SYMPK: variants seen among roughly 807,000 people sequenced by gnomAD.
The protein encoded by SYMPK is symplekin.
SYMPK carries 49 observed loss-of-function variants against 136.4 expected under a neutral mutation model. That is an observed-to-expected ratio of 0.36 (90% confidence interval 0.29 to 0.46). The LOEUF is 0.46. SYMPK is among the 20% of genes least tolerant of loss of function. The pLI, the probability that SYMPK is intolerant of heterozygous loss-of-function variation, is 1.00. For missense variants in SYMPK, 1,365 were observed against 1,690.0 expected, an observed-to-expected ratio of 0.81 and a Z score of 3.37; for synonymous variants, 766 against 713.0, an observed-to-expected ratio of 1.07 and a Z score of -1.19.
At chr19:45,861,189 A>G (rs899895265) in intron 1 of SYMPK, among the ~76,000 whole-genome samples, 35 of 152,246 alleles carry the variant, frequency 2.3e-4, no homozygotes, top group African/African-American at 8.4e-4. Flanking sequence ...TCTGCCTCAA[A>G]AAATAAAATA....
At position 45,827,847 on chromosome 19, in the gene SYMPK, C is replaced by G; in HGVS notation, c.2057G>C (p.Cys686Ser). 1 of 1,614,070 alleles carries G rather than the reference C, an allele frequency of 6.2e-7. No homozygotes were observed. Among genetic ancestry groups the G allele is most frequent in the Non-Finnish European group, 8.5e-7 (1 of 1,180,024 alleles). Residue 686 changes from cysteine (C) to serine (S), a missense_variant, in exon 15 of 27, where the codon TGC (cysteine) becomes TCC (serine). Transcript: ENST00000245934. ...ESALEVVRKYCEDESRTYLGM... is the reference protein window; with the variant it reads ...ESALEVVRKYSEDESRTYLGM... ...AGGGCCTGTCCTCACCTCATCCTCGCAGTACTTGCGGACCACCTCCAGGGC... is the reference window on the plus strand; with the variant it reads ...AGGGCCTGTCCTCACCTCATCCTCGGAGTACTTGCGGACCACCTCCAGGGC...
intron 7 of SYMPK, among the ~76,000 whole-genome samples, chr19:45,846,217 A>C (rs1044776769): frequency 2.0e-5 from 3 of 152,150 alleles, no homozygotes; most frequent in African/African-American, 7.2e-5. Context: ...GCCTGGGTGA[A>C]AGAGCGAGAC....
rs143466262 is a variant in SYMPK, at chr19:45,854,073, A to T, written c.171+102T>A. The T allele has an allele frequency of 1.6e-4, 180 of 1,107,918 alleles. No homozygotes were observed. In the African/African-American group the frequency reaches 2.2e-3, roughly 14 times the overall value. The allele number at this position is 1,107,918 out of a possible 1,614,324, so 68.6% of individuals were successfully genotyped here. ...TGAGCACTGTGGCCGGCACACACTG[A>T]GTGTGTAAATGTGGACACTGGTGTT... On this transcript the variant is annotated intron_variant, in intron 3 of 26. Transcript: ENST00000245934.
chr19:45,815,694 T>C lies in SYMPK; in HGVS notation c.3691A>G (p.Thr1231Ala), dbSNP rs1568604038. 2 of 1,609,188 alleles carry C rather than the reference T, an allele frequency of 1.2e-6. No homozygotes were observed. Among genetic ancestry groups the C allele is most frequent in the Non-Finnish European group, 1.7e-6 (2 of 1,178,564 alleles). ...SSLEGPLPKE[T>A]AAGGLTLKEE... ...TTCAAGGTCAGCCCGCCCGCTGCCGTCTCCTGGTGACCGGGGAAGGAAAGG... is the reference window on the plus strand; with the variant it reads ...TTCAAGGTCAGCCCGCCCGCTGCCGCCTCCTGGTGACCGGGGAAGGAAAGG... Residue 1231 changes from threonine to alanine, a missense_variant, in exon 27 of 27, where the codon ACG (threonine) becomes GCG (alanine). Thr to Ala is a moderately conservative substitution (Grantham distance 58). This residue lies in a region of SYMPK where 341 missense variants were observed against 270.5 expected (regional missense o/e 1.26). Transcript: ENST00000245934.
At chr19:45,819,591 C>G (rs1289363718) in intron 22 of SYMPK, 1 of 152,280 alleles carries the variant, frequency 6.6e-6, no homozygotes, top group African/African-American at 2.4e-5. Flanking sequence ...CAGTCCCAGG[C>G]CACCCCTCTC....
intron 10 of SYMPK, among the ~76,000 whole-genome samples, chr19:45,837,492 T>G (rs1011773849): frequency 1.1e-4 from 16 of 150,928 alleles, no homozygotes; most frequent in Non-Finnish European, 1.5e-4. Context: ...TGGTGGGCGC[T>G]GGTAATCCCA....
chr19:45,835,737 C>T (rs1436397675), intron 10 of SYMPK, among the ~76,000 whole-genome samples: 1 of 152,094 alleles, frequency 6.6e-6, no homozygotes, highest in Non-Finnish European at 1.5e-5. Flanking sequence ...CATGGTGAAA[C>T]CCTGTCTCTA....
chr19:45,848,512 A>C (rs928262581), intron 6 of SYMPK, among the ~76,000 whole-genome samples: 9 of 152,214 alleles, frequency 5.9e-5, no homozygotes, highest in Admixed American at 2.0e-4. Context: ...CACAGAGGAC[A>C]TACTCAGGGA....
intron 25 of SYMPK, 78 bp from the exon 26 acceptor site, chr19:45,816,261 G>A: frequency 8.5e-7 from 1 of 1,180,324 alleles, no homozygotes; most frequent in South Asian, 1.6e-5. Context: ...GAACCACCCT[G>A]AGGTGGTCTT....
intron 7 of SYMPK, among the ~76,000 whole-genome samples, chr19:45,845,325 A>G (rs1971534483): frequency 6.6e-6 from 1 of 151,886 alleles, no homozygotes; most frequent in African/African-American, 2.4e-5. Context: ...TGTACCCATT[A>G]ACCATTCCCA....
Position 45,854,388 on chromosome 19 carries a change from C to T in SYMPK, c.105+3G>A, listed in dbSNP as rs747451498. 1.2e-6 allele frequency: 2 copies of T among 1,614,016 alleles called. No individual in the cohort carries two copies. Among genetic ancestry groups the T allele is most frequent in the South Asian group, 1.1e-5 (1 of 91,082 alleles). On this transcript the variant is annotated splice_donor_region_variant and intron_variant, in intron 2 of 26. Transcript: ENST00000245934. ...CACTCCAAGCCCTACCCGCCACGCTCACCCTCTCTGAGGTGGTCATGCCAT... is the reference window on the plus strand; with the variant it reads ...CACTCCAAGCCCTACCCGCCACGCTTACCCTCTCTGAGGTGGTCATGCCAT...
intron 1 of SYMPK, among the ~76,000 whole-genome samples, chr19:45,859,954 A>C (rs73566635): frequency 0.21 from 3,933 of 18,712 alleles, 220 homozygotes; most frequent in African/African-American, 0.42. Flanking sequence ...GACTCCATCT[A>C]AAAAAAAAAA....
chr19:45,860,746 C>T (rs548416892), intron 1 of SYMPK, among the ~76,000 whole-genome samples: 1 of 152,190 alleles, frequency 6.6e-6, no homozygotes, highest in Admixed American at 6.5e-5. Flanking sequence ...CGGGCTCAGG[C>T]GATCCTCCTA....
chr19:45,854,685 T>C, intron 1 of SYMPK, 178 bp from the exon 2 acceptor site: 1 of 589,070 alleles, frequency 1.7e-6, no homozygotes, highest in Non-Finnish European at 3.0e-6. Context: ...TATGGATATG[T>C]GCACGGGGCC....
intron 10 of SYMPK, among the ~76,000 whole-genome samples, chr19:45,837,261 T>A (rs968956930): frequency 6.6e-6 from 1 of 152,164 alleles, no homozygotes; most frequent in African/African-American, 2.4e-5. Context: ...GGCATTTTTA[T>A]AAATGTTGAT....
At chr19:45,846,214 T>C (rs946580635) in intron 7 of SYMPK, among the ~76,000 whole-genome samples, 2 of 152,028 alleles carry the variant, frequency 1.3e-5, no homozygotes, top group African/African-American at 4.8e-5. Flanking sequence ...CCAGCCTGGG[T>C]GAAAGAGCGA....
intron 18 of SYMPK, among the ~76,000 whole-genome samples, chr19:45,824,752 G>A (rs1970998468): frequency 6.6e-6 from 1 of 152,274 alleles, no homozygotes; most frequent in South Asian, 2.1e-4. Context: ...GGGGCAGGAA[G>A]GACTTATGTT....
chr19:45,843,446 T>A (rs1451157503), intron 8 of SYMPK, among the ~76,000 whole-genome samples: 2 of 152,132 alleles, frequency 1.3e-5, no homozygotes, highest in African/African-American at 4.8e-5. Flanking sequence ...CTATCCTCCC[T>A]TTTGGTGGGG....
At chr19:45,854,133 C>T (rs973197297) in intron 3 of SYMPK, 42 bp downstream of exon 3, 3 of 1,598,252 alleles carry the variant, frequency 1.9e-6, no homozygotes, top group African/African-American at 2.7e-5. Flanking sequence ...CCAGCCTCCT[C>T]CCTTTCACCT....
Sources: allele counts gnomAD v4.1 joint callset (sites outside exome capture counted in the v4.1 genomes callset), GRCh38; gene constraint gnomAD v4.1.1; regional missense constraint gnomAD v4.1.1; transcripts MANE v1.5; gene names NCBI Gene and HGNC (gene_info 2026-07-23, HGNC 2026-07-21).